DPPA3: variants seen among roughly 807,000 people sequenced by gnomAD.
DPPA3 encodes the protein developmental pluripotency associated 3.
In DPPA3, 9 loss-of-function variants were observed where a neutral mutation model predicts 15.6. The ratio of observed to expected loss-of-function variants is 0.58; its 90% CI spans 0.35 to 1.01. DPPA3 has a LOEUF of 1.01. Ranked by LOEUF, DPPA3 falls within the 50% of genes least tolerant of loss-of-function variation. The pLI is 0.02. For synonymous variants in DPPA3, 61 were observed against 70.9 expected (o/e 0.86, Z 0.70); for missense variants, 148 against 194.6 (o/e 0.76, Z 1.42).
At chr12:7,715,472 G>A (rs1316971583) in intron 2 of DPPA3, 45 bp downstream of exon 2, 2 of 1,612,776 alleles carry the variant, frequency 1.2e-6, no homozygotes, top group African/African-American at 1.3e-5. Context: ...TCCGGAGAGT[G>A]ACACTCATAA....
At chr12:7,716,260 T>A in intron 3 of DPPA3, 21 bp downstream of exon 3, 1 of 1,504,640 alleles carries the variant, frequency 6.6e-7, no homozygotes, top group South Asian at 1.3e-5. Flanking sequence ...TTTTTTTCTT[T>A]TTATTTTCCT....
chr12:7,713,381 C>T (rs987175472), intron 1 of DPPA3, among the ~76,000 whole-genome samples: 10 of 152,192 alleles, frequency 6.6e-5, no homozygotes, highest in African/African-American at 2.4e-4. Context: ...CTTGCGTCTG[C>T]CTTAGTACCT....
chr12:7,713,664 C>A (rs1160794481), intron 1 of DPPA3, among the ~76,000 whole-genome samples: 2 of 152,158 alleles, frequency 1.3e-5, no homozygotes, highest in African/African-American at 4.8e-5. Context: ...CATGAAGGAG[C>A]TGGGCAACTA....
chr12:7,714,097 G>GT (rs1864372985), intron 1 of DPPA3, among the ~76,000 whole-genome samples: 3 of 152,050 alleles, frequency 2.0e-5, no homozygotes, highest in African/African-American at 7.2e-5. Context: ...GGGCATGGTG[G>GT]TGGGCGCCTG....
chr12:7,713,787 A>G (rs1465735879), intron 1 of DPPA3, among the ~76,000 whole-genome samples: 2 of 152,236 alleles, frequency 1.3e-5, no homozygotes, highest in Non-Finnish European at 2.9e-5. Context: ...CTCTTTCACA[A>G]GATTCCACAG....
At chr12:7,716,060 T>G in intron 2 of DPPA3, 138 bp from the exon 3 acceptor site, 1 of 723,128 alleles carries the variant, frequency 1.4e-6, no homozygotes, top group Non-Finnish European at 2.3e-6. Flanking sequence ...CCATGATTGC[T>G]CCACTGCAAT....
chr12:7,714,046 G>A (rs1864372282), intron 1 of DPPA3, among the ~76,000 whole-genome samples: 1 of 150,312 alleles, frequency 6.7e-6, no homozygotes, highest in Admixed American at 6.7e-5. Context: ...GGCTAACACG[G>A]TGAAACCCCT....
chr12:7,715,540 A>G, intron 2 of DPPA3, 113 bp downstream of exon 2: 1 of 1,523,270 alleles, frequency 6.6e-7, no homozygotes, highest in South Asian at 1.2e-5. Context: ...TGAGGCCTGT[A>G]ATCTGAGCAC....
rs1193833467 is a variant in DPPA3 at position 7,717,026 on chromosome 12, T to C, written c.429T>C (p.Pro143=). ...TCTGCGTGTCTAATGGATGGGATCC[T>C]TCTGAGAATGCTAGAATAGGGAATC... ...CSFCVSNGWD[P]SENARIGNQD... is the part of the protein sequence containing the mutation. Residue 143 remains proline (P), a synonymous_variant, in exon 4 of 4, where the codon CCT becomes CCC. Coordinates refer to ENST00000345088, the MANE Select transcript of DPPA3 (RefSeq NM_199286.4). 3.1e-6 allele frequency: 5 copies of C among 1,613,994 alleles called. No individual in the cohort carries two copies. The highest frequency in any genetic ancestry group is 3.4e-6 in the Non-Finnish European group (4 of 1,179,972).
At position 7,711,561 on chromosome 12, in the gene DPPA3, CA is replaced by C; in HGVS notation, c.-8del. On this transcript the variant is annotated 5_prime_UTR_variant, in exon 1 of 4. Transcript: ENST00000345088. ...ATCCTGGAGAAGCCTAGTGTTGTGT[CA>C]AGACGCCGATGGACCCATCACAGTT... is the stretch of plus-strand genomic sequence containing the variant. 3.1e-6 allele frequency: 5 copies of C among 1,612,380 alleles called. No homozygotes were observed. The highest frequency in any genetic ancestry group is 4.2e-6 in the Non-Finnish European group (5 of 1,179,430).
intron 1 of DPPA3, among the ~76,000 whole-genome samples, chr12:7,714,553 G>GC (rs1864377397): frequency 6.6e-6 from 1 of 151,184 alleles, no homozygotes; most frequent in African/African-American, 2.4e-5. Flanking sequence ...TGCTCTTGTT[G>GC]CCCAGGCTGG....
At chr12:7,712,208 C>T (rs1232287669) in intron 1 of DPPA3, among the ~76,000 whole-genome samples, 3 of 151,468 alleles carry the variant, frequency 2.0e-5, no homozygotes, top group Non-Finnish European at 4.4e-5. Flanking sequence ...AGCCACTGCG[C>T]CCGGCCAGTA....
intron 3 of DPPA3, 50 bp from the exon 4 acceptor site, chr12:7,716,917 T>C: frequency 6.7e-7 from 1 of 1,487,864 alleles, no homozygotes; most frequent in East Asian, 2.3e-5. Context: ...CTTATTACAT[T>C]TCTCTGGGGT....
rs139963560 is a variant in DPPA3, at chr12:7,717,150, A to G, written c.*73A>G. 19,010 of 899,154 alleles carry G rather than the reference A, an allele frequency of 0.021. 249 individuals carry two copies. The highest frequency in any genetic ancestry group is 0.025 in the Non-Finnish European group (14,022 of 555,184). 55.7% of individuals were successfully genotyped at this position (899,154 alleles called of 1,614,324 possible). Reference sequence around the variant, plus strand: ...GTTGAGAAAGCTACTCTATGCTAGTATAGACTATACACCAATAATTTTGAT... The same window carrying G: ...GTTGAGAAAGCTACTCTATGCTAGTGTAGACTATACACCAATAATTTTGAT... On this transcript the variant is annotated 3_prime_UTR_variant, in exon 4 of 4. Coordinates refer to ENST00000345088, the MANE Select transcript of DPPA3 (RefSeq NM_199286.4).
rs746059802 is a variant in DPPA3 at position 7,715,361 on chromosome 12, A to G, written c.261A>G (p.Thr87=). 6.8e-6 allele frequency: 11 copies of G among 1,614,166 alleles called. No homozygotes were observed. The highest frequency in any genetic ancestry group is 1.7e-5 in the Admixed American group (1 of 60,006). ...TTTACAGCAGGAGAGGAGTAAGAAC[A>G]TTGCTGTCTGTGCAGAGAGAAAAGA... The part of the protein sequence containing the change: ...EWLYSRRGVR[T]LLSVQREKMA... The change falls in exon 2 of 4, where the codon ACA becomes ACG. Residue 87 remains threonine, a synonymous_variant. Transcript: ENST00000345088.
At chr12:7,716,549 T>C (rs1864401822) in intron 3 of DPPA3, among the ~76,000 whole-genome samples, 1 of 152,182 alleles carries the variant, frequency 6.6e-6, no homozygotes, top group South Asian at 2.1e-4. Flanking sequence ...CTGACAGGAT[T>C]ATCATCCAGA....
At chr12:7,714,847 G>A (rs913076034) in intron 1 of DPPA3, among the ~76,000 whole-genome samples, 7 of 151,728 alleles carry the variant, frequency 4.6e-5, no homozygotes, top group South Asian at 2.1e-4. Flanking sequence ...CAAGTACCTG[G>A]GACTACAGGC....
At chr12:7,714,004 C>T (rs980143884) in intron 1 of DPPA3, among the ~76,000 whole-genome samples, 1 of 152,068 alleles carries the variant, frequency 6.6e-6, no homozygotes, top group Non-Finnish European at 1.5e-5. Flanking sequence ...CAGAGCAAGA[C>T]CCTGTCTCAA....
chr12:7,716,885 T>TAA, intron 3 of DPPA3, 82 bp from the exon 4 acceptor site: 1 of 1,307,444 alleles, frequency 7.6e-7, no homozygotes. Flanking sequence ...CTTACCAAAA[T>TAA]AAACAACATT....
Sources: gnomAD v4.1 joint callset for allele counts (sites outside exome capture counted in the v4.1 genomes callset) on GRCh38, gnomAD v4.1.1 for gene constraint, MANE v1.5 for transcripts, NCBI Gene and HGNC (gene_info 2026-07-23, HGNC 2026-07-21) for gene names.